The following GRM3 variants were observed in gnomAD, a reference collection of about 807,000 sequenced individuals.
GRM3 encodes the protein metabotropic glutamate receptor 3.
A neutral mutation model predicts 70.5 loss-of-function variants in GRM3; 26 were observed. The observed-to-expected ratio is 0.37, with a 90% CI of 0.27 to 0.51. The LOEUF is 0.51. Among genes scored for constraint, GRM3 ranks in the 20% least tolerant of loss-of-function variants. The pLI, the probability that GRM3 is intolerant of heterozygous loss-of-function variation, is 0.93. For missense variants in GRM3, 859 were observed against 1,123.8 expected, an observed-to-expected ratio of 0.76 and a Z score of 3.37; for synonymous variants, 443 against 434.9, an observed-to-expected ratio of 1.02 and a Z score of -0.23.
chr7:86,771,105 T>G (rs1267197159), intron 2 of GRM3, among the ~76,000 whole-genome samples: 1 of 152,044 alleles, frequency 6.6e-6, no homozygotes, highest in African/African-American at 2.4e-5. Context: ...AAAAAGGAAA[T>G]AGCCTGGAAG....
intron 3 of GRM3, among the ~76,000 whole-genome samples, chr7:86,815,839 C>T (rs188491899): frequency 6.6e-6 from 1 of 151,972 alleles, no homozygotes; most frequent in African/African-American, 2.4e-5. Flanking sequence ...GAAATCATCT[C>T]TTAGTCTATC....
intron 1 of GRM3, among the ~76,000 whole-genome samples, chr7:86,663,137 A>G (rs1164429309): frequency 6.6e-6 from 1 of 151,944 alleles, no homozygotes; most frequent in Admixed American, 6.6e-5. Context: ...CTCTCAGGGT[A>G]TACATGAGAA....
chr7:86,749,683 A>T (rs1796185495), intron 1 of GRM3, among the ~76,000 whole-genome samples: 1 of 152,062 alleles, frequency 6.6e-6, no homozygotes, highest in South Asian at 2.1e-4. Context: ...AGAAAAAAGT[A>T]TTTTTGAGGC....
Position 86,694,908 on chromosome 7 carries a change from A to G in GRM3, c.-141+50036A>G, listed in dbSNP as rs74814912. Among the ~76,000 whole-genome samples the G allele has an allele frequency of 7.4e-3, 1,129 of 152,274 alleles. 20 individuals are homozygous for G. Among genetic ancestry groups the G allele is most frequent in the African/African-American group, 0.026 (1,061 of 41,556 alleles). ...ATTATGTTGTTCACAGTCTACTTTC[A>G]TGTTAATTCTTTTCAGAGCACTTCT... On this transcript the variant is annotated intron_variant, in intron 1 of 5. Coordinates refer to ENST00000361669, the MANE Select transcript of GRM3 (RefSeq NM_000840.3).
At chr7:86,656,134 C>T (rs1271037413) in intron 1 of GRM3, among the ~76,000 whole-genome samples, 1 of 152,016 alleles carries the variant, frequency 6.6e-6, no homozygotes, top group Non-Finnish European at 1.5e-5. Context: ...CAGTCCAATG[C>T]AGCAATCTCT....
intron 1 of GRM3, among the ~76,000 whole-genome samples, chr7:86,723,726 T>C (rs1285019216): frequency 1.3e-5 from 2 of 152,262 alleles, no homozygotes; most frequent in South Asian, 2.1e-4. Context: ...CAAAATGTCA[T>C]TTAATTAAGC....
At chr7:86,683,118 G>C (rs909793950) in intron 1 of GRM3, among the ~76,000 whole-genome samples, 1 of 152,138 alleles carries the variant, frequency 6.6e-6, no homozygotes, top group Admixed American at 6.6e-5. Flanking sequence ...GCCATGGTAG[G>C]TTTTGAACTC....
intron 1 of GRM3, among the ~76,000 whole-genome samples, chr7:86,716,359 T>A (rs1795313917): frequency 6.6e-6 from 1 of 152,006 alleles, no homozygotes; most frequent in African/African-American, 2.4e-5. Context: ...TTACTTAGTA[T>A]ACGTATTATT....
At chr7:86,840,799 C>G (rs912545215) in intron 4 of GRM3, among the ~76,000 whole-genome samples, 4 of 151,960 alleles carry the variant, frequency 2.6e-5, no homozygotes, top group African/African-American at 9.7e-5. Flanking sequence ...CTTGCTGCAC[C>G]ATGATTTCAC....
chr7:86,801,974 G>C (rs944007979), intron 3 of GRM3, among the ~76,000 whole-genome samples: 2 of 152,080 alleles, frequency 1.3e-5, no homozygotes, highest in Non-Finnish European at 2.9e-5. Context: ...TGTGATCCTT[G>C]GTCTATCATT....
chr7:86,768,224 T>G (rs1326029300), intron 2 of GRM3, among the ~76,000 whole-genome samples: 1 of 152,146 alleles, frequency 6.6e-6, no homozygotes, highest in Non-Finnish European at 1.5e-5. Context: ...CACCAAAAAC[T>G]GACAGATTCA....
At chr7:86,840,833 G>A (rs1163330122) in intron 4 of GRM3, among the ~76,000 whole-genome samples, 5 of 152,082 alleles carry the variant, frequency 3.3e-5, no homozygotes, top group Non-Finnish European at 7.4e-5. Context: ...TCCATCAGTT[G>A]TAAAAATCCT....
At chr7:86,753,162 G>A (rs769671453) in intron 1 of GRM3, among the ~76,000 whole-genome samples, 11 of 152,100 alleles carry the variant, frequency 7.2e-5, no homozygotes, top group African/African-American at 9.6e-5. Context: ...AGCTGATGGG[G>A]ATCATTTGGA....
At chr7:86,762,927 T>C (rs1428124019) in intron 1 of GRM3, among the ~76,000 whole-genome samples, 1 of 152,080 alleles carries the variant, frequency 6.6e-6, no homozygotes, top group African/African-American at 2.4e-5. Flanking sequence ...CAGATAAGCA[T>C]GGTGAGCAGT....
rs535061728 is a variant in GRM3, at chr7:86,859,621, T to C, written c.2567-4661T>C. 3.9e-5 allele frequency among the ~76,000 whole-genome samples: 6 copies of C among 152,302 alleles called. No individual in the cohort carries two copies. In the East Asian group the frequency reaches 7.7e-4, roughly 20 times the overall value. ...GGAACAGATGGAGCAAACTGGAATGTCTGTTCCGTTGAAATGTTTATTTTT... is the reference window on the plus strand; with the variant it reads ...GGAACAGATGGAGCAAACTGGAATGCCTGTTCCGTTGAAATGTTTATTTTT... On this transcript the variant is annotated intron_variant, in intron 5 of 5. Coordinates refer to ENST00000361669, the MANE Select transcript of GRM3 (RefSeq NM_000840.3).
chr7:86,716,919 A>G (rs1584189679), intron 1 of GRM3, among the ~76,000 whole-genome samples: 2 of 151,976 alleles, frequency 1.3e-5, no homozygotes. Flanking sequence ...TTCCAGTGCA[A>G]GTAGACACCA....
chr7:86,677,273 T>A (rs181147528), intron 1 of GRM3, among the ~76,000 whole-genome samples: 1 of 151,950 alleles, frequency 6.6e-6, no homozygotes, highest in Non-Finnish European at 1.5e-5. Context: ...GACACCTTTT[T>A]AAAAAAATGT....
At chr7:86,838,759 A>G (rs921824097) in intron 3 of GRM3, 80 bp from the exon 4 acceptor site, 16 of 710,580 alleles carry the variant, frequency 2.3e-5, no homozygotes, top group African/African-American at 1.2e-4. Flanking sequence ...ATTTCAGTGT[A>G]TGGCATAAAG....
chr7:86,845,174 G>C lies in GRM3; in HGVS notation c.2392-5196G>C, dbSNP rs149271348. Among the ~76,000 whole-genome samples, 34 of 152,234 alleles carry C rather than the reference G, an allele frequency of 2.2e-4. No individual in the cohort carries two copies. The East Asian group carries it at 5.6e-3, about 25-fold the overall frequency. Reference sequence around the variant, plus strand: ...CAAAGTGCTGGGATTACTGATGAGAGCCACTGCACCCAGCCTCGTCCTGAT... The same window carrying C: ...CAAAGTGCTGGGATTACTGATGAGACCCACTGCACCCAGCCTCGTCCTGAT... On this transcript the variant is annotated intron_variant, in intron 4 of 5. Transcript: ENST00000361669.
Sources: gnomAD v4.1 joint callset for allele counts (sites outside exome capture counted in the v4.1 genomes callset) on GRCh38, gnomAD v4.1.1 for gene constraint, MANE v1.5 for transcripts, NCBI Gene and HGNC (gene_info 2026-07-23, HGNC 2026-07-21) for gene names.